ITGA8: variants seen among roughly 807,000 people sequenced by gnomAD.
ITGA8 encodes the protein integrin alpha-8.
ITGA8 carries 91 observed loss-of-function variants against 142.3 expected under a neutral mutation model. The ratio of observed to expected loss-of-function variants is 0.64; its 90% CI spans 0.54 to 0.76. The LOEUF is 0.76. Ranked by LOEUF, ITGA8 falls within the 30% of genes least tolerant of loss-of-function variation. The pLI is 0.00. For synonymous variants in ITGA8, 505 were observed against 485.2 expected, an observed-to-expected ratio of 1.04 and a Z score of -0.54; for missense variants, 1,406 against 1,327.7, an observed-to-expected ratio of 1.06 and a Z score of -0.92.
intron 27 of ITGA8, among the ~76,000 whole-genome samples, chr10:15,543,215 CTCCTGCA>C (rs1274545392): frequency 1.3e-5 from 2 of 152,176 alleles, no homozygotes; most frequent in Non-Finnish European, 2.9e-5. Flanking sequence ...TGGAACTGAG[CTCCTGCA>C]TCCTGACCCA....
chr10:15,691,654 G>A (rs530613810), intron 2 of ITGA8, among the ~76,000 whole-genome samples: 4 of 152,250 alleles, frequency 2.6e-5, no homozygotes, highest in East Asian at 1.9e-4. Flanking sequence ...AAAAAAGTCA[G>A]GCTCATAGAA....
intron 6 of ITGA8, among the ~76,000 whole-genome samples, chr10:15,675,184 G>T (rs953296132): frequency 6.6e-6 from 1 of 152,136 alleles, no homozygotes; most frequent in Non-Finnish European, 1.5e-5. Context: ...ACTCTAGATG[G>T]TCTCTGGGCT....
chr10:15,552,936 T>C (rs530411707), intron 26 of ITGA8, among the ~76,000 whole-genome samples: 8 of 152,252 alleles, frequency 5.3e-5, no homozygotes, highest in Admixed American at 6.5e-5. Flanking sequence ...CCTACTGTTA[T>C]GTTTCTTAAA....
chr10:15,591,589 T>A (rs1321972936), intron 22 of ITGA8, among the ~76,000 whole-genome samples: 2 of 152,100 alleles, frequency 1.3e-5, no homozygotes, highest in African/African-American at 4.8e-5. Flanking sequence ...GGTCTTCCTG[T>A]TCACGAAATA....
chr10:15,710,583 T>C (rs146358546), intron 2 of ITGA8, among the ~76,000 whole-genome samples: 25 of 152,226 alleles, frequency 1.6e-4, no homozygotes, highest in African/African-American at 5.8e-4. Context: ...TGGTGCAGGG[T>C]GTGTGGCAAC....
intron 27 of ITGA8, among the ~76,000 whole-genome samples, chr10:15,536,465 G>A (rs1190282405): frequency 1.3e-5 from 2 of 152,142 alleles, no homozygotes; most frequent in African/African-American, 2.4e-5. Context: ...AAGCAATTAC[G>A]GGCAGAGGTG....
At chr10:15,701,546 T>C (rs1426523646) in intron 2 of ITGA8, among the ~76,000 whole-genome samples, 1 of 152,094 alleles carries the variant, frequency 6.6e-6, no homozygotes, top group Non-Finnish European at 1.5e-5. Flanking sequence ...ATGTGGAATA[T>C]GGTGGACACG....
rs77861384 is a variant in ITGA8, at chr10:15,649,857, A to G, written c.1002-2806T>C. Reference sequence around the variant, plus strand: ...TAATTGCTAATGGGAATACAAAATGATACAGCCATTTTGGAAGACAGTCTA... The same window carrying G: ...TAATTGCTAATGGGAATACAAAATGGTACAGCCATTTTGGAAGACAGTCTA... On this transcript the variant is annotated intron_variant, in intron 11 of 29. Coordinates refer to ENST00000378076, the MANE Select transcript of ITGA8 (RefSeq NM_003638.3). Among the ~76,000 whole-genome samples the G allele has an allele frequency of 3.5e-3, 527 of 152,324 alleles. 8 individuals carry two copies. The highest frequency in any genetic ancestry group is 2.2e-3 in the Non-Finnish European group (147 of 68,032).
At chr10:15,604,839 A>G (rs1288617637) in intron 19 of ITGA8, among the ~76,000 whole-genome samples, 3 of 152,160 alleles carry the variant, frequency 2.0e-5, no homozygotes, top group African/African-American at 7.2e-5. Context: ...GATTAATGCA[A>G]AGGAAATAAT....
chr10:15,546,147 C>T (rs1366385084), intron 27 of ITGA8, among the ~76,000 whole-genome samples: 3 of 152,162 alleles, frequency 2.0e-5, no homozygotes, highest in African/African-American at 7.2e-5. Flanking sequence ...CCCATCCTAC[C>T]TGCAGAAGCA....
intron 2 of ITGA8, among the ~76,000 whole-genome samples, chr10:15,712,524 C>A (rs1210471345): frequency 2.0e-5 from 3 of 152,156 alleles, no homozygotes; most frequent in Non-Finnish European, 4.4e-5. Context: ...TCATTTTAAC[C>A]CGGGAGATGG....
In ITGA8 at chr10:15,572,265, A is replaced by C; in HGVS notation, c.2583T>G (p.Thr861=). The change falls in exon 25 of 30, where the codon ACT becomes ACG. Residue 861 remains threonine, a synonymous_variant. Coordinates refer to ENST00000378076, the MANE Select transcript of ITGA8 (RefSeq NM_003638.3). ...TTGGTTGGCACTGCAGAGGTCCCAG[A>C]GTTTGAATATGGAAAATATAGAGAA... ...EFLLYIFHIQ[T]LGPLQCQPNP... is the part of the protein sequence containing the mutation. 1 of 1,614,030 alleles carries C rather than the reference A, an allele frequency of 6.2e-7. No homozygotes were observed. The highest frequency in any genetic ancestry group is 1.7e-5 in the Admixed American group (1 of 60,022).
intron 2 of ITGA8, among the ~76,000 whole-genome samples, chr10:15,708,115 A>G (rs1373388518): frequency 2.6e-5 from 4 of 151,834 alleles, no homozygotes; most frequent in African/African-American, 9.6e-5. Context: ...CTCCACGTCA[A>G]GAACAGCATC....
At chr10:15,517,363 T>C (rs2131528220) in intron 29 of ITGA8, 119 bp from the exon 30 acceptor site, 1 of 575,274 alleles carries the variant, frequency 1.7e-6, no homozygotes, top group South Asian at 2.0e-5. Flanking sequence ...CGCTCTCTAT[T>C]CCCCAGGCTG....
intron 5 of ITGA8, 145 bp downstream of exon 5, chr10:15,678,577 G>A (rs1834676438): frequency 3.9e-6 from 2 of 515,138 alleles, no homozygotes; most frequent in Non-Finnish European, 7.0e-6. Flanking sequence ...TTTTTAGAAA[G>A]CATTTGCCCA....
At chr10:15,677,970 C>G (rs1416298151) in intron 5 of ITGA8, among the ~76,000 whole-genome samples, 2 of 152,114 alleles carry the variant, frequency 1.3e-5, no homozygotes, top group East Asian at 3.9e-4. Flanking sequence ...CAGACATGGT[C>G]TTTTGAGCCT....
At chr10:15,658,841 G>C (rs568852153) in intron 10 of ITGA8, among the ~76,000 whole-genome samples, 158 bp downstream of exon 10, 9 of 152,150 alleles carry the variant, frequency 5.9e-5, no homozygotes, top group Non-Finnish European at 1.3e-4. Context: ...GGATCTGTCT[G>C]TCTGATGCAT....
intron 10 of ITGA8, 64 bp downstream of exon 10, chr10:15,658,935 T>G (rs551705742): frequency 1.4e-5 from 15 of 1,052,112 alleles, no homozygotes; most frequent in Non-Finnish European, 2.2e-5. Context: ...ATAACTGATA[T>G]GAATATTATA....
chr10:15,573,529 G>T lies in ITGA8; in HGVS notation c.2479-1160C>A, dbSNP rs9333201. 3.9e-3 allele frequency among the ~76,000 whole-genome samples: 597 copies of T among 152,196 alleles called. 6 individuals carry two copies. Among genetic ancestry groups the T allele is most frequent in the African/African-American group, 0.014 (582 of 41,520 alleles). ...AAGCTTTGATCCAGCTTTGGACAAG[G>T]CTCCTGAATCTGGGCCACAGGTTGG... On this transcript the variant is annotated intron_variant, in intron 24 of 29. Coordinates refer to ENST00000378076, the MANE Select transcript of ITGA8 (RefSeq NM_003638.3).
Sources: allele counts gnomAD v4.1 joint callset (sites outside exome capture counted in the v4.1 genomes callset), GRCh38; gene constraint gnomAD v4.1.1; transcripts MANE v1.5; gene names NCBI Gene and HGNC (gene_info 2026-07-23, HGNC 2026-07-21).